SRCIN1: variants seen among roughly 807,000 people sequenced by gnomAD.
The protein encoded by SRCIN1 is SRC kinase signaling inhibitor 1.
SRCIN1 carries 50 observed loss-of-function variants against 116.2 expected under a neutral mutation model. The ratio of observed to expected loss-of-function variants is 0.43; its 90% CI spans 0.34 to 0.54. The LOEUF (loss-of-function observed/expected upper bound fraction) is 0.54, where lower values mean the gene tolerates loss of function less well. SRCIN1 is among the 20% of genes least tolerant of loss of function. The pLI, the probability that SRCIN1 is intolerant of heterozygous loss-of-function variation, is 0.02. For synonymous variants in SRCIN1, 736 were observed against 750.0 expected, an observed-to-expected ratio of 0.98 and a Z score of 0.30; for missense variants, 1,446 against 1,672.0, an observed-to-expected ratio of 0.86 and a Z score of 2.36.
At chr17:38,587,740 G>A (rs541440156) in intron 1 of SRCIN1, among the ~76,000 whole-genome samples, 1 of 152,242 alleles carries the variant, frequency 6.6e-6, no homozygotes, top group South Asian at 2.1e-4. Flanking sequence ...CAGCCCGGCC[G>A]ACAGGGAGAA....
In SRCIN1 at chr17:38,563,694, G is replaced by T. The variant is rs1470619648; in HGVS notation, c.542-173C>A. The T allele has an allele frequency of 3.3e-6, 3 of 913,372 alleles. No homozygotes were observed. In the East Asian group the frequency reaches 7.9e-5, roughly 24 times the overall value. 56.6% of individuals were successfully genotyped at this position (913,372 alleles called of 1,614,324 possible). On this transcript the variant is annotated intron_variant, in intron 4 of 18. Transcript: ENST00000617146. This position sits in a 1 kb window ranked among gnomAD's most constrained non-coding sequence, Gnocchi z 5.8. ...CACCTCTCATGCTGCCGGCGGGGGC[G>T]CCAGGCCGGCTCTCCAGCCTCTCAA... is the stretch of plus-strand genomic sequence containing the variant.
At chr17:38,582,791 T>C (rs1430644973) in intron 1 of SRCIN1, among the ~76,000 whole-genome samples, 1 of 152,184 alleles carries the variant, frequency 6.6e-6, no homozygotes, top group African/African-American at 2.4e-5. Flanking sequence ...CTGGGTAGCC[T>C]AGCTGTCCTG....
At chr17:38,541,226 G>A (rs1402674474) in intron 18 of SRCIN1, 2 of 148,274 alleles carry the variant, frequency 1.3e-5, no homozygotes, top group African/African-American at 2.6e-5. Context: ...GTGACAGTGT[G>A]AGACCCTGCC....
chr17:38,538,171 A>G (rs2144886151), intron 18 of SRCIN1, among the ~76,000 whole-genome samples: 1 of 151,822 alleles, frequency 6.6e-6, no homozygotes, highest in African/African-American at 2.4e-5. Context: ...CTGTAATCCC[A>G]GCACTGGGAG....
chr17:38,605,579 C>T (rs1332688469), intron 1 of SRCIN1, 105 bp downstream of exon 1: 11 of 938,118 alleles, frequency 1.2e-5, no homozygotes, highest in Non-Finnish European at 1.6e-5. Context: ...CCCGGCCCGG[C>T]CGCCGCCCCC....
chr17:38,543,522 T>C (rs887497954), intron 18 of SRCIN1, among the ~76,000 whole-genome samples: 6 of 152,086 alleles, frequency 3.9e-5, no homozygotes, highest in African/African-American at 7.2e-5. Context: ...CGCTCGCCCC[T>C]CCTCCAGGAG....
At chr17:38,549,427 A>G (rs1464002311) in intron 15 of SRCIN1, among the ~76,000 whole-genome samples, 3 of 151,928 alleles carry the variant, frequency 2.0e-5, no homozygotes, top group Non-Finnish European at 4.4e-5. Flanking sequence ...CACTCTTGCT[A>G]CTCCAAGTGT....
chr17:38,594,777 G>A (rs774429814), intron 1 of SRCIN1, among the ~76,000 whole-genome samples: 1 of 152,312 alleles, frequency 6.6e-6, no homozygotes, highest in East Asian at 1.9e-4. Context: ...TTTGAACCCA[G>A]GGCAGGCTGA....
Position 38,552,053 on chromosome 17 carries a change from A to G in SRCIN1, c.2560T>C (p.Phe854Leu), listed in dbSNP as rs1193067987. 10 of 1,613,708 alleles carry G rather than the reference A, an allele frequency of 6.2e-6. No individual in the cohort carries two copies. Among genetic ancestry groups the G allele is most frequent in the Admixed American group, 3.3e-5 (2 of 60,010 alleles). ...ATTTCGAAGTCCACGCTCTTGTTGA[A>G]GTCAGTCTCTGCCGTCACCTTCTTG... ...SPKKVTAETD[F>L]NKSVDFEMPP... is the part of the protein sequence containing the mutation. Residue 854 changes from phenylalanine to leucine, a missense_variant, in exon 14 of 19, where the codon TTC (phenylalanine) becomes CTC (leucine). This residue lies in a region of SRCIN1 where 531 missense variants were observed against 633.9 expected (regional missense o/e 0.84). Transcript: ENST00000617146. This position sits in a 1 kb window ranked among gnomAD's most constrained non-coding sequence, Gnocchi z 5.3.
At chr17:38,599,591 G>A (rs1397242802) in intron 1 of SRCIN1, among the ~76,000 whole-genome samples, 1 of 152,204 alleles carries the variant, frequency 6.6e-6, no homozygotes. Flanking sequence ...GCCACACGCT[G>A]GGAGGTTTAT....
intron 1 of SRCIN1, among the ~76,000 whole-genome samples, chr17:38,586,630 C>G (rs1398103619): frequency 6.6e-6 from 1 of 152,202 alleles, no homozygotes. Flanking sequence ...ACTGCCACCC[C>G]CTTCCCAAGC....
rs1905969731 is a variant in SRCIN1, at chr17:38,558,537, G to A, written c.2026-135C>T. The A allele has an allele frequency of 3.9e-6, 4 of 1,027,452 alleles. No individual in the cohort carries two copies. The highest frequency in any genetic ancestry group is 4.1e-6 in the Non-Finnish European group (3 of 728,906). 63.6% of individuals were successfully genotyped at this position (1,027,452 alleles called of 1,614,324 possible). On this transcript the variant is annotated intron_variant, in intron 10 of 18. Transcript: ENST00000617146. This position sits in a 1 kb window ranked among gnomAD's most constrained non-coding sequence, Gnocchi z 4.6. ...GCAGAAGAAGCGGCTGCTTGGCTCC[G>A]CCTCAGGCAGCAGCGAAGGGGTGGG...
At chr17:38,580,541 A>T (rs1370445772) in intron 1 of SRCIN1, among the ~76,000 whole-genome samples, 2 of 152,254 alleles carry the variant, frequency 1.3e-5, no homozygotes, top group Non-Finnish European at 2.9e-5. Context: ...AGAGAAGTCC[A>T]CTGACAAGCC....
chr17:38,550,412 A>T lies in SRCIN1; in HGVS notation c.2962+743T>A, dbSNP rs141810398. 8.3e-3 allele frequency among the ~76,000 whole-genome samples: 1,256 copies of T among 152,214 alleles called. 6 individuals are homozygous for T. The highest frequency in any genetic ancestry group is 0.017 in the Middle Eastern group (5 of 294). ...GGGAGGCTGAGGCAGGAGAATGGCGAGAACCCAGGAGGCGGAGCTTGTAGT... is the reference window on the plus strand; with the variant it reads ...GGGAGGCTGAGGCAGGAGAATGGCGTGAACCCAGGAGGCGGAGCTTGTAGT... On this transcript the variant is annotated intron_variant, in intron 15 of 18. Coordinates refer to ENST00000617146, the MANE Select transcript of SRCIN1 (RefSeq NM_025248.3).
intron 1 of SRCIN1, among the ~76,000 whole-genome samples, chr17:38,600,674 C>A (rs1908970984): frequency 6.6e-6 from 1 of 152,216 alleles, no homozygotes. Flanking sequence ...GGAGGGTGCA[C>A]AGCCTCAAGC....
Position 38,543,833 on chromosome 17 carries a change from G to A in SRCIN1, c.3407C>T (p.Ala1136Val). 1 of 1,606,462 alleles carries A rather than the reference G, an allele frequency of 6.2e-7. No individual in the cohort carries two copies. The highest frequency in any genetic ancestry group is 1.3e-5 in the African/African-American group (1 of 75,022). The change falls in exon 18 of 19, where the codon GCC (alanine) becomes GTC (valine). Residue 1136 changes from alanine to valine, a missense_variant. Ala to Val is a moderately conservative substitution (Grantham distance 64). Transcript: ENST00000617146. ...AGTCCCCGCCCTCACCTGCTGCTGG[G>A]CCTGGATCCGCATGTACTCGGCCCT... is the stretch of plus-strand genomic sequence containing the variant. ...KQRAEYMRIQ[A>V]QQQATKPSKE... is the part of the protein sequence containing the mutation.
intron 1 of SRCIN1, among the ~76,000 whole-genome samples, chr17:38,584,552 G>C (rs1183034108): frequency 6.6e-6 from 1 of 152,256 alleles, no homozygotes. Flanking sequence ...CGGCTAGGAG[G>C]ACGGCACAGG....
At chr17:38,580,975 A>C (rs1567877348) in intron 1 of SRCIN1, among the ~76,000 whole-genome samples, 2 of 152,128 alleles carry the variant, frequency 1.3e-5, no homozygotes, top group Non-Finnish European at 2.9e-5. Context: ...AGCTGGAATT[A>C]CAGGTGCCTG....
In SRCIN1 at chr17:38,551,215, T is replaced by C. The variant is rs2143095459; in HGVS notation, c.2902A>G (p.Lys968Glu). Reference sequence around the variant, plus strand: ...GCTGCCTTCTGGCCGTGGGGGGCCTTGGGGGGCTTGTGATCTGGAGTGGGG... The same window carrying C: ...GCTGCCTTCTGGCCGTGGGGGGCCTCGGGGGGCTTGTGATCTGGAGTGGGG... ...PAPTPDHKPP[K>E]APHGQKAAPR... Residue 968 changes from lysine to glutamate, a missense_variant, in exon 15 of 19, where the codon AAG becomes GAG. Lys to Glu is a moderately conservative substitution (Grantham distance 56). Transcript: ENST00000617146. The C allele has an allele frequency of 6.3e-7, 1 of 1,598,226 alleles. No individual in the cohort carries two copies. Among genetic ancestry groups the C allele is most frequent in the Non-Finnish European group, 8.5e-7 (1 of 1,170,880 alleles).
Sources: gnomAD v4.1 joint callset for allele counts (sites outside exome capture counted in the v4.1 genomes callset) on GRCh38, gnomAD v4.1.1 for gene constraint, gnomAD v4.1.1 regional missense constraint, Gnocchi (gnomAD v3.1) non-coding constraint, MANE v1.5 for transcripts, NCBI Gene and HGNC (gene_info 2026-07-23, HGNC 2026-07-21) for gene names.